Variants in CEP112 observed in about 807,000 individuals in gnomAD.
CEP112 encodes centrosomal protein of 112 kDa.
A neutral mutation model predicts 153.0 loss-of-function variants in CEP112; 127 were observed. The observed-to-expected ratio is 0.83, with a 90% confidence interval of 0.72 to 0.96. The LOEUF is 0.96. Ranked by LOEUF, CEP112 falls within the 40% of genes least tolerant of loss-of-function variation. CEP112 has a pLI of 0.00. For missense variants in CEP112, 1,089 were observed against 1,101.2 expected (o/e 0.99, Z 0.16); for synonymous variants, 358 against 374.4 (o/e 0.96, Z 0.51).
intron 21 of CEP112, among the ~76,000 whole-genome samples, chr17:65,848,980 A>C (rs2057825283): frequency 6.6e-6 from 1 of 152,206 alleles, no homozygotes; most frequent in Non-Finnish European, 1.5e-5. Flanking sequence ...CAACACCAAG[A>C]GGATGATGTT....
Position 66,029,859 on chromosome 17 carries a change from C to A in CEP112, c.1373+10G>T. 1 of 1,609,814 alleles carries A rather than the reference C, an allele frequency of 6.2e-7. No individual in the cohort carries two copies. The highest frequency in any genetic ancestry group is 8.5e-7 in the Non-Finnish European group (1 of 1,177,174). On this transcript the variant is annotated intron_variant, in intron 13 of 26. Coordinates refer to ENST00000535342, the MANE Select transcript of CEP112 (RefSeq NM_001199165.4). The stretch of plus-strand genomic sequence containing the variant: ...GCTACACCTGATAAATATCTGATTT[C>A]AGACAATACCTTGCCTTTACTTCTT...
At chr17:65,736,855 C>T (rs232090) in intron 23 of CEP112, among the ~76,000 whole-genome samples, 5,287 of 152,232 alleles carry the variant, frequency 0.035, 283 homozygotes, top group African/African-American at 0.12. Context: ...CAGGATATTC[C>T]GGACAACTAC....
chr17:65,813,439 T>C (rs1337517439), intron 21 of CEP112, among the ~76,000 whole-genome samples: 1 of 152,212 alleles, frequency 6.6e-6, no homozygotes, highest in Non-Finnish European at 1.5e-5. Flanking sequence ...ACCAATGATC[T>C]TGTGAAACAG....
Position 65,768,629 on chromosome 17 carries a change from A to G in CEP112, c.2395-17905T>C, listed in dbSNP as rs530091281. ...TGATTAAGTGGGTTTTACCCCTGAC[A>G]TGCAAGGCTGGTTTAATATACACAA... On this transcript the variant is annotated intron_variant, in intron 21 of 26. Coordinates refer to ENST00000535342, the MANE Select transcript of CEP112 (RefSeq NM_001199165.4). Among the ~76,000 whole-genome samples the G allele has an allele frequency of 1.3e-4, 20 of 151,708 alleles. 1 individual carries two copies. The East Asian group carries it at 3.9e-3, about 29-fold the overall frequency.
intron 21 of CEP112, among the ~76,000 whole-genome samples, chr17:65,764,206 G>A (rs546272522): frequency 4.9e-4 from 75 of 152,012 alleles, no homozygotes; most frequent in Non-Finnish European, 9.4e-4. Flanking sequence ...AATAATTTAG[G>A]TGCTTGTAAA....
chr17:65,937,537 CCGGCCAGCCGCCCCGTCCGGGAGGGAGG>C (rs2061364516), intron 18 of CEP112, among the ~76,000 whole-genome samples: 1 of 121,126 alleles, frequency 8.3e-6, no homozygotes. Context: ...GCCCCTCTGC[CCGGCCAGCCGCCCCGTCCGGGAGGGAGG>C]TGGGGGGGGT....
At chr17:65,781,376 T>C (rs981659448) in intron 21 of CEP112, among the ~76,000 whole-genome samples, 1 of 152,154 alleles carries the variant, frequency 6.6e-6, no homozygotes, top group African/African-American at 2.4e-5. Context: ...CATTCTATGA[T>C]CATGGATTGG....
chr17:66,143,463 T>C, intron 4 of CEP112, among the ~76,000 whole-genome samples: 1 of 152,190 alleles, frequency 6.6e-6, no homozygotes, highest in Non-Finnish European at 1.5e-5. Context: ...TTGTACCTCT[T>C]AGAAGCTCTC....
chr17:65,966,603 A>C (rs1290953714), intron 17 of CEP112, among the ~76,000 whole-genome samples: 1 of 152,202 alleles, frequency 6.6e-6, no homozygotes, highest in Non-Finnish European at 1.5e-5. Context: ...GCTGGAAAAC[A>C]AGACTCACAA....
At chr17:65,906,333 G>T (rs1249783168) in intron 19 of CEP112, among the ~76,000 whole-genome samples, 1 of 151,876 alleles carries the variant, frequency 6.6e-6, no homozygotes, top group African/African-American at 2.4e-5. Flanking sequence ...CGGGTTGATG[G>T]GTGCAGCAAA....
intron 4 of CEP112, among the ~76,000 whole-genome samples, chr17:66,142,666 G>A (rs76375367): frequency 0.058 from 8,896 of 152,182 alleles, 275 homozygotes; most frequent in East Asian, 0.077. Context: ...CTGTAAATGC[G>A]TGGGTTTATT....
chr17:66,117,637 C>T (rs565835298), intron 6 of CEP112, among the ~76,000 whole-genome samples: 1 of 152,188 alleles, frequency 6.6e-6, no homozygotes, highest in South Asian at 2.1e-4. Flanking sequence ...ACCTCAAAAG[C>T]ACAAGCAGCC....
At chr17:65,994,500 G>A (rs1422186495) in intron 17 of CEP112, among the ~76,000 whole-genome samples, 1 of 152,028 alleles carries the variant, frequency 6.6e-6, no homozygotes, top group East Asian at 1.9e-4. Flanking sequence ...AGCTAATATT[G>A]TTGTTGTTTT....
Position 65,705,907 on chromosome 17 carries a change from T to C in CEP112, c.2608-16689A>G, listed in dbSNP as rs570333877. On this transcript the variant is annotated intron_variant, in intron 23 of 26. Transcript: ENST00000535342. ...AGGTATGACAATGGCACTGTGTCTGTGTAAGACAATGCCCATGGTTTCTGA... is the reference window on the plus strand; with the variant it reads ...AGGTATGACAATGGCACTGTGTCTGCGTAAGACAATGCCCATGGTTTCTGA... Among the ~76,000 whole-genome samples the C allele has an allele frequency of 1.1e-4, 17 of 152,270 alleles. No homozygotes were observed. The East Asian group carries it at 3.1e-3, about 28-fold the overall frequency.
chr17:66,160,676 A>G (rs1422923211), intron 4 of CEP112, among the ~76,000 whole-genome samples: 1 of 152,214 alleles, frequency 6.6e-6, no homozygotes, highest in Admixed American at 6.5e-5. Context: ...TACATCTTAT[A>G]CAAAAATTAA....
intron 23 of CEP112, among the ~76,000 whole-genome samples, chr17:65,732,318 T>C (rs12601843): frequency 0.13 from 19,265 of 152,164 alleles, 2,276 homozygotes; most frequent in African/African-American, 0.31. Flanking sequence ...GAGGTCTCAA[T>C]AGCAGACTTA....
In CEP112 at chr17:65,750,863, C is replaced by T. The variant is rs1223652621; in HGVS notation, c.2395-139G>A. 1.2e-5 allele frequency: 7 copies of T among 603,614 alleles called. No homozygotes were observed. The East Asian group carries it at 1.8e-4, about 15-fold the overall frequency. The allele number at this position is 603,614 out of a possible 1,614,324, so 37.4% of individuals were successfully genotyped here. A position where few individuals can be genotyped will look rare whatever the true frequency, so the allele number is the denominator to read the frequency against. On this transcript the variant is annotated intron_variant, in intron 21 of 26. Transcript: ENST00000535342. ...GCAGCCAGAAAACCACAGGGCTTGT[C>T]TTTGATGTTACGCCAACTATTCATC...
intron 23 of CEP112, among the ~76,000 whole-genome samples, chr17:65,724,791 C>T (rs2050087360): frequency 6.6e-6 from 1 of 152,316 alleles, no homozygotes; most frequent in Admixed American, 6.5e-5. Flanking sequence ...AGTCCACCAA[C>T]AGGCTGGCTC....
At chr17:65,884,409 G>A (rs1317823413) in intron 20 of CEP112, among the ~76,000 whole-genome samples, 1 of 152,206 alleles carries the variant, frequency 6.6e-6, no homozygotes, top group Non-Finnish European at 1.5e-5. Context: ...AGAGTGAACA[G>A]AATTATACTG....
Sources: allele counts gnomAD v4.1 joint callset (sites outside exome capture counted in the v4.1 genomes callset), GRCh38; gene constraint gnomAD v4.1.1; transcripts MANE v1.5; gene names NCBI Gene and HGNC (gene_info 2026-07-23, HGNC 2026-07-21).